The following PXDNL variants were observed in gnomAD, a reference collection of about 807,000 sequenced individuals.
The protein encoded by PXDNL is probable oxidoreductase PXDNL.
A neutral mutation model predicts 150.8 loss-of-function variants in PXDNL; 145 were observed. The ratio of observed to expected loss-of-function variants is 0.96; its 90% CI spans 0.84 to 1.10. PXDNL has a LOEUF of 1.10. Among genes scored for constraint, PXDNL ranks in the 50% least tolerant of loss-of-function variants. The probability of loss-of-function intolerance (pLI) is 0.00; values close to 1 mark genes in which losing one functional copy is unlikely to be tolerated. For synonymous variants in PXDNL, 757 were observed against 725.7 expected (o/e 1.04, Z -0.69); for missense variants, 2,087 against 1,873.9 (o/e 1.11, Z -2.10).
chr8:51,577,999 G>GAAAGAAAGAGGAAGGAAGGAAGGA (rs1409948869), intron 3 of PXDNL, among the ~76,000 whole-genome samples: 1 of 31,548 alleles, frequency 3.2e-5, no homozygotes, highest in Non-Finnish European at 6.2e-5. Flanking sequence ...AAGAAAGAAA[G>GAAAGAAAGAGGAAGGAAGGAAGGA]AGGAAGGAAG....
chr8:51,513,430 G>T (rs146715587), intron 4 of PXDNL, among the ~76,000 whole-genome samples: 1 of 152,336 alleles, frequency 6.6e-6, no homozygotes, highest in Non-Finnish European at 1.5e-5. Flanking sequence ...GTCACACTGT[G>T]CAAGGGACCA....
At chr8:51,577,931 G>GA (rs1339917411) in intron 3 of PXDNL, among the ~76,000 whole-genome samples, 5 of 40,684 alleles carry the variant, frequency 1.2e-4, no homozygotes, top group East Asian at 5.6e-4. Flanking sequence ...AGAAAAGAAA[G>GA]AAAGAAAGAA....
chr8:51,506,365 AC>A (rs1474529341), intron 4 of PXDNL, among the ~76,000 whole-genome samples: 1 of 151,894 alleles, frequency 6.6e-6, no homozygotes, highest in Non-Finnish European at 1.5e-5. Flanking sequence ...ACATGGTGAA[AC>A]CCCGTCTCTA....
At position 51,762,841 on chromosome 8, in the gene PXDNL, CTT is replaced by C. The variant is rs995995253; in HGVS notation, c.164+46338_164+46339del. Among the ~76,000 whole-genome samples, 3 of 152,148 alleles carry C rather than the reference CTT, an allele frequency of 2.0e-5. No individual in the cohort carries two copies. The South Asian group carries it at 6.2e-4, about 32-fold the overall frequency. ...TAAAATCATTTTACAGAGTTTGACTCTTTTCATCACCAGAAGCTATATAGATA... is the reference window on the plus strand; with the variant it reads ...TAAAATCATTTTACAGAGTTTGACTCTTCATCACCAGAAGCTATATAGATA... On this transcript the variant is annotated intron_variant, in intron 1 of 22. Coordinates refer to ENST00000356297, the MANE Select transcript of PXDNL (RefSeq NM_144651.5).
chr8:51,800,563 T>C (rs957242283), intron 1 of PXDNL, among the ~76,000 whole-genome samples: 5 of 152,166 alleles, frequency 3.3e-5, no homozygotes, highest in Non-Finnish European at 7.3e-5. Context: ...AGAACTGTTG[T>C]GGGAAGTCAG....
At chr8:51,637,188 C>T (rs1254674646) in intron 2 of PXDNL, among the ~76,000 whole-genome samples, 1 of 152,172 alleles carries the variant, frequency 6.6e-6, no homozygotes, top group East Asian at 1.9e-4. Context: ...AAAACCCCAT[C>T]TGTATGTTAC....
intron 1 of PXDNL, among the ~76,000 whole-genome samples, chr8:51,655,048 T>A (rs1815122381): frequency 6.6e-6 from 1 of 152,244 alleles, no homozygotes; most frequent in African/African-American, 2.4e-5. Flanking sequence ...CCATTTATTT[T>A]AGGTTTTATT....
At chr8:51,631,126 T>C (rs988064045) in intron 2 of PXDNL, among the ~76,000 whole-genome samples, 1 of 152,174 alleles carries the variant, frequency 6.6e-6, no homozygotes, top group Non-Finnish European at 1.5e-5. Context: ...TCATGTTCTT[T>C]ACAGCAATAT....
At chr8:51,620,317 C>CA (rs947452916) in intron 2 of PXDNL, among the ~76,000 whole-genome samples, 4 of 151,652 alleles carry the variant, frequency 2.6e-5, no homozygotes, top group Admixed American at 6.6e-5. Flanking sequence ...CTGAAGAGGT[C>CA]AAAAAAAATC....
In PXDNL at chr8:51,666,180, T is replaced by A. The variant is rs937363177; in HGVS notation, c.165-11420A>T. On this transcript the variant is annotated intron_variant, in intron 1 of 22. Coordinates refer to ENST00000356297, the MANE Select transcript of PXDNL (RefSeq NM_144651.5). ...CAGTGAACTGGAGTCATCATTTTAC[T>A]TGATCTTTCGGTGGCATTTGATCAT... is the stretch of plus-strand genomic sequence containing the variant. Among the ~76,000 whole-genome samples, 5 of 152,244 alleles carry A rather than the reference T, an allele frequency of 3.3e-5. 1 individual carries two copies. The highest frequency in any genetic ancestry group is 1.2e-4 in the African/African-American group (5 of 41,470).
At chr8:51,641,679 T>C (rs1439580361) in intron 2 of PXDNL, among the ~76,000 whole-genome samples, 2 of 151,282 alleles carry the variant, frequency 1.3e-5, no homozygotes, top group East Asian at 2.0e-4. Flanking sequence ...CCAGTTAGAA[T>C]GGCAATCATT....
At position 51,667,430 on chromosome 8, in the gene PXDNL, T is replaced by G. The variant is rs549082092; in HGVS notation, c.165-12670A>C. 8.5e-5 allele frequency among the ~76,000 whole-genome samples: 13 copies of G among 152,372 alleles called. No homozygotes were observed. In the South Asian group the frequency reaches 2.5e-3, roughly 29 times the overall value. On this transcript the variant is annotated intron_variant, in intron 1 of 22. Coordinates refer to ENST00000356297, the MANE Select transcript of PXDNL (RefSeq NM_144651.5). Reference sequence around the variant, plus strand: ...TTTACACGTGATGTAAACTACTAACTTTACACGTGGTGAAAACTGCACAAA... The same window carrying G: ...TTTACACGTGATGTAAACTACTAACGTTACACGTGGTGAAAACTGCACAAA...
chr8:51,691,878 G>T (rs879368527), intron 1 of PXDNL, among the ~76,000 whole-genome samples: 6 of 152,206 alleles, frequency 3.9e-5, no homozygotes, highest in East Asian at 1.9e-4. Flanking sequence ...AGTTTCAAAG[G>T]TTGCATTTCA....
chr8:51,724,695 T>A (rs1196503075), intron 1 of PXDNL, among the ~76,000 whole-genome samples: 1 of 152,114 alleles, frequency 6.6e-6, no homozygotes, highest in African/African-American at 2.4e-5. Context: ...TTTGTGTGGG[T>A]CGCCCCAGCC....
intron 7 of PXDNL, among the ~76,000 whole-genome samples, chr8:51,473,947 A>C (rs531838486): frequency 6.6e-6 from 1 of 152,320 alleles, no homozygotes; most frequent in South Asian, 2.1e-4. Flanking sequence ...GAAAAATGAA[A>C]GCTGGGATAT....
At chr8:51,805,323 A>T (rs955040860) in intron 1 of PXDNL, among the ~76,000 whole-genome samples, 6 of 148,898 alleles carry the variant, frequency 4.0e-5, no homozygotes, top group East Asian at 3.9e-4. Context: ...ACATATATAT[A>T]TTTTAAATTA....
chr8:51,766,010 A>AT (rs1434309144), intron 1 of PXDNL, among the ~76,000 whole-genome samples: 1 of 151,928 alleles, frequency 6.6e-6, no homozygotes, highest in Non-Finnish European at 1.5e-5. Flanking sequence ...TGCCCGCCTA[A>AT]TTTTTTGTAT....
At chr8:51,532,349 C>A (rs1415770619) in intron 4 of PXDNL, among the ~76,000 whole-genome samples, 1 of 152,240 alleles carries the variant, frequency 6.6e-6, no homozygotes, top group African/African-American at 2.4e-5. Context: ...GTACCGTTCA[C>A]CAACTGTGCA....
chr8:51,594,996 G>GAACAA (rs1386445465), intron 2 of PXDNL, among the ~76,000 whole-genome samples: 4 of 150,944 alleles, frequency 2.6e-5, no homozygotes, highest in Admixed American at 6.6e-5. Context: ...GATGCCAAAG[G>GAACAA]AACAAAACAA....
Sources: gnomAD v4.1 joint callset for allele counts (sites outside exome capture counted in the v4.1 genomes callset) on GRCh38, gnomAD v4.1.1 for gene constraint, MANE v1.5 for transcripts, NCBI Gene and HGNC (gene_info 2026-07-23, HGNC 2026-07-21) for gene names.